The following USP13 variants were observed in gnomAD, a reference collection of about 807,000 sequenced individuals.
USP13 encodes ubiquitin carboxyl-terminal hydrolase 13.
A neutral mutation model predicts 107.8 loss-of-function variants in USP13; 68 were observed. The ratio of observed to expected loss-of-function variants is 0.63; its 90% CI spans 0.52 to 0.77. The LOEUF (loss-of-function observed/expected upper bound fraction) is 0.77, where lower values mean the gene tolerates loss of function less well. USP13 is among the 30% of genes least tolerant of loss of function. The probability of loss-of-function intolerance (pLI) is 0.00; values close to 1 mark genes in which losing one functional copy is unlikely to be tolerated. For missense variants in USP13, 945 were observed against 1,093.3 expected, an observed-to-expected ratio of 0.86 and a Z score of 1.91; for synonymous variants, 377 against 389.5, an observed-to-expected ratio of 0.97 and a Z score of 0.38.
chr3:179,663,637 G>T (rs1720513524), intron 1 of USP13, among the ~76,000 whole-genome samples: 1 of 152,142 alleles, frequency 6.6e-6, no homozygotes, highest in Non-Finnish European at 1.5e-5. Context: ...TTTAAAATAG[G>T]GGTCTGATCA....
At chr3:179,700,599 A>G (rs1484997113) in intron 3 of USP13, among the ~76,000 whole-genome samples, 1 of 152,066 alleles carries the variant, frequency 6.6e-6, no homozygotes, top group African/African-American at 2.4e-5. Flanking sequence ...ACCCCAAGAA[A>G]CCAAACAACC....
intron 1 of USP13, among the ~76,000 whole-genome samples, chr3:179,679,264 A>AT (rs1485577856): frequency 9.2e-5 from 14 of 152,166 alleles, no homozygotes; most frequent in Non-Finnish European, 8.8e-5. Flanking sequence ...AAACAAACAA[A>AT]TTTTAAACAA....
intron 19 of USP13, among the ~76,000 whole-genome samples, chr3:179,771,452 G>C (rs1715340348): frequency 6.6e-6 from 1 of 152,328 alleles, no homozygotes; most frequent in East Asian, 1.9e-4. Context: ...TCAAGCACTG[G>C]TTCAAGTGTG....
intron 8 of USP13, among the ~76,000 whole-genome samples, chr3:179,727,915 A>G (rs1258832112): frequency 0.011 from 387 of 35,774 alleles, 2 homozygotes; most frequent in East Asian, 0.046. Flanking sequence ...GCGGCTGGCC[A>G]GGTGGGGGGC....
chr3:179,697,085 TC>T (rs1479330211), intron 3 of USP13, among the ~76,000 whole-genome samples: 3 of 152,186 alleles, frequency 2.0e-5, no homozygotes, highest in Non-Finnish European at 2.9e-5. Flanking sequence ...AAGTGGAACT[TC>T]CAAGGAGCCA....
intron 6 of USP13, among the ~76,000 whole-genome samples, chr3:179,711,703 A>T (rs1712934196): frequency 6.6e-6 from 1 of 152,156 alleles, no homozygotes; most frequent in African/African-American, 2.4e-5. Flanking sequence ...GGACAATAAC[A>T]TGCATGGACC....
At chr3:179,774,328 A>G (rs534445740) in intron 19 of USP13, among the ~76,000 whole-genome samples, 2 of 152,306 alleles carry the variant, frequency 1.3e-5, no homozygotes, top group East Asian at 3.9e-4. Context: ...ACTGACTTCG[A>G]GAATGAAGCC....
rs923532638 is a variant in USP13 at position 179,766,104 on chromosome 3, C to T, written c.2413+256C>T. ...AAGCCATTCTCCTGCTTCAGCCTCCCGAGTAGCTGGGATTACAGGCATGTG... is the reference window on the plus strand; with the variant it reads ...AAGCCATTCTCCTGCTTCAGCCTCCTGAGTAGCTGGGATTACAGGCATGTG... On this transcript the variant is annotated intron_variant, in intron 19 of 20. Transcript: ENST00000263966. 6.6e-5 allele frequency among the ~76,000 whole-genome samples: 10 copies of T among 152,150 alleles called. No homozygotes were observed. In the South Asian group the frequency reaches 1.9e-3, roughly 28 times the overall value.
At chr3:179,781,882 C>T (rs1055996904) in intron 20 of USP13, 59 bp downstream of exon 20, 1 of 1,386,472 alleles carries the variant, frequency 7.2e-7, no homozygotes, top group Non-Finnish European at 1.0e-6. Flanking sequence ...TACTATATGC[C>T]AGGCACTCTC....
intron 9 of USP13, 50 bp from the exon 10 acceptor site, chr3:179,730,566 A>G (rs1173184730): frequency 2.0e-6 from 3 of 1,471,104 alleles, no homozygotes; most frequent in South Asian, 1.2e-5. Context: ...TAATATTACT[A>G]TGGAAAAACA....
chr3:179,742,494 CTT>C lies in USP13; in HGVS notation c.1534+146_1534+147del. On this transcript the variant is annotated intron_variant, in intron 12 of 20. Coordinates refer to ENST00000263966, the MANE Select transcript of USP13 (RefSeq NM_003940.3). The surrounding 1 kb of genome is among the most constrained non-coding windows in gnomAD (Gnocchi z 5.0). ...CTGCTTTGCACATCTCTTTTCATCT[CTT>C]TGTTAGTTCCCATGTGACTTTTCCT... 2 of 1,034,102 alleles carry C rather than the reference CTT, an allele frequency of 1.9e-6. No individual in the cohort carries two copies. The highest frequency in any genetic ancestry group is 2.8e-5 in the Admixed American group (1 of 36,354). 64.1% of individuals were successfully genotyped at this position (1,034,102 alleles called of 1,614,324 possible). A position where few individuals can be genotyped will look rare whatever the true frequency, so the allele number is the denominator to read the frequency against.
chr3:179,745,837 G>A (rs938848893), intron 13 of USP13, among the ~76,000 whole-genome samples: 4 of 152,138 alleles, frequency 2.6e-5, no homozygotes, highest in African/African-American at 7.2e-5. Flanking sequence ...GAAACGAGCC[G>A]CTCAGGGTTT....
chr3:179,761,411 C>T (rs985380182), intron 17 of USP13, among the ~76,000 whole-genome samples, 156 bp downstream of exon 17: 7 of 149,692 alleles, frequency 4.7e-5, no homozygotes, highest in Admixed American at 1.3e-4. Context: ...TCTTTTTCTT[C>T]TTCTTTTTTT....
At chr3:179,723,996 T>TA (rs751496535) in intron 8 of USP13, among the ~76,000 whole-genome samples, 15 of 148,434 alleles carry the variant, frequency 1.0e-4, no homozygotes, top group South Asian at 8.6e-4. Context: ...CTACAAAAAT[T>TA]TAAAAAAAAA....
At position 179,653,235 on chromosome 3, in the gene USP13, C is replaced by T. The variant is rs1720137894; in HGVS notation, c.10C>T (p.Arg4Trp). The change falls in exon 1 of 21, where the codon CGG becomes TGG. Residue 4 changes from arginine to tryptophan, a missense_variant. Transcript: ENST00000263966. This position sits in a 1 kb window ranked among gnomAD's most constrained non-coding sequence, Gnocchi z 4.0. MQR[R>W]GALFGMPGGS... Reference sequence around the variant, plus strand: ...GGTGCGCGCCGAGGCCATGCAGCGCCGGGGCGCCCTGTTCGGCATGCCGGG... The same window carrying T: ...GGTGCGCGCCGAGGCCATGCAGCGCTGGGGCGCCCTGTTCGGCATGCCGGG... 2 of 1,546,740 alleles carry T rather than the reference C, an allele frequency of 1.3e-6. No individual in the cohort carries two copies. The highest frequency in any genetic ancestry group is 4.9e-5 in the East Asian group (2 of 40,636).
At chr3:179,677,805 T>C (rs1263761590) in intron 1 of USP13, among the ~76,000 whole-genome samples, 1 of 152,168 alleles carries the variant, frequency 6.6e-6, no homozygotes, top group Non-Finnish European at 1.5e-5. Flanking sequence ...TGTTTTTTTC[T>C]GACAGATTAA....
Position 179,784,068 on chromosome 3 carries a change from AC to A in USP13, c.2520del (p.His840GlnfsTer29). 1 of 1,613,142 alleles carries A rather than the reference AC, an allele frequency of 6.2e-7. No individual in the cohort carries two copies. Among genetic ancestry groups the A allele is most frequent in the East Asian group, 2.2e-5 (1 of 44,864 alleles). Reference sequence around the variant, plus strand: ...TTCAGATGGGTGATTTACAATGACCACAAAGTTTGTGCCTCAGAAAGGCCCC... The same window carrying A: ...TTCAGATGGGTGATTTACAATGACCAAAAGTTTGTGCCTCAGAAAGGCCCC... ...KEGRWVIYND[H>X]KVCASERPPK... is the part of the protein sequence containing the mutation. On this transcript the variant is annotated frameshift_variant, in exon 21 of 21. Transcript: ENST00000263966. LOFTEE classifies it high-confidence loss of function.
intron 15 of USP13, among the ~76,000 whole-genome samples, chr3:179,755,535 T>G (rs1378025369): frequency 6.6e-6 from 1 of 152,192 alleles, no homozygotes; most frequent in Non-Finnish European, 1.5e-5. Context: ...CCTGACCTCG[T>G]GATCTGCCCG....
chr3:179,781,972 C>T lies in USP13; in HGVS notation c.2498+149C>T, dbSNP rs1485876936. 5.8e-5 allele frequency: 36 copies of T among 615,536 alleles called. No homozygotes were observed. In the Admixed American group the frequency reaches 1.1e-3, roughly 19 times the overall value. 38.1% of individuals were successfully genotyped at this position (615,536 alleles called of 1,614,324 possible). A position where few individuals can be genotyped will look rare whatever the true frequency, so the allele number is the denominator to read the frequency against. On this transcript the variant is annotated intron_variant, in intron 20 of 20. Coordinates refer to ENST00000263966, the MANE Select transcript of USP13 (RefSeq NM_003940.3). ...ATACTGTTAACGCCCTTTTGCACAT[C>T]AAGACACCGAGACTCAGGGAGGCTG... is the stretch of plus-strand genomic sequence containing the variant.
Sources: gnomAD v4.1 joint callset for allele counts (sites outside exome capture counted in the v4.1 genomes callset) on GRCh38, gnomAD v4.1.1 for gene constraint, Gnocchi (gnomAD v3.1) non-coding constraint, MANE v1.5 for transcripts, NCBI Gene and HGNC (gene_info 2026-07-23, HGNC 2026-07-21) for gene names.